The following MEI4 variants were observed in gnomAD, a reference collection of about 807,000 sequenced individuals.
MEI4 encodes the protein meiotic double-stranded break formation protein 4, also known as meiosis-specific protein MEI4.
Under a neutral mutation model 31.4 loss-of-function variants are expected in MEI4, and 27 were observed. The ratio of observed to expected loss-of-function variants is 0.86; its 90% CI spans 0.63 to 1.19. MEI4 has a LOEUF of 1.19. Among genes scored for constraint, MEI4 ranks in the 50% most tolerant of loss-of-function variants. The probability of loss-of-function intolerance (pLI) is 0.00; values close to 1 mark genes in which losing one functional copy is unlikely to be tolerated. For synonymous variants in MEI4, 122 were observed against 145.4 expected (o/e 0.84, Z 1.16); for missense variants, 329 against 398.9 (o/e 0.82, Z 1.49).
intron 3 of MEI4, among the ~76,000 whole-genome samples, chr6:77,781,400 G>A (rs1463018882): frequency 6.6e-6 from 1 of 152,080 alleles, no homozygotes; most frequent in Non-Finnish European, 1.5e-5. Flanking sequence ...TCCACAGCAT[G>A]TTAATATACA....
intron 4 of MEI4, among the ~76,000 whole-genome samples, chr6:77,917,026 T>C (rs1293808713): frequency 6.7e-6 from 1 of 149,860 alleles, no homozygotes; most frequent in East Asian, 2.0e-4. Context: ...CGGTGTTTGG[T>C]TTTTTGTTCT....
intron 3 of MEI4, among the ~76,000 whole-genome samples, chr6:77,785,279 G>A (rs568065361): frequency 3.9e-4 from 60 of 152,260 alleles, no homozygotes; most frequent in African/African-American, 1.4e-3. Context: ...GCTCTCTGGA[G>A]TAAGAGATGA....
At chr6:77,754,306 A>G (rs937224657) in intron 2 of MEI4, among the ~76,000 whole-genome samples, 26 of 152,274 alleles carry the variant, frequency 1.7e-4, no homozygotes, top group Middle Eastern at 3.4e-3. Flanking sequence ...CAAGGCTCCA[A>G]AGATCTCTAC....
At chr6:77,691,480 T>G (rs1769156780) in intron 2 of MEI4, among the ~76,000 whole-genome samples, 3 of 152,028 alleles carry the variant, frequency 2.0e-5, no homozygotes, top group Non-Finnish European at 4.4e-5. Context: ...AGTGAAATGG[T>G]TACAGAACAT....
intron 4 of MEI4, among the ~76,000 whole-genome samples, chr6:77,845,039 T>A (rs983529443): frequency 2.6e-5 from 4 of 151,580 alleles, no homozygotes; most frequent in African/African-American, 7.3e-5. Context: ...GAATTCACAC[T>A]ACCTTGCCCT....
At chr6:77,754,727 G>A (rs1267137455) in intron 2 of MEI4, among the ~76,000 whole-genome samples, 1 of 152,078 alleles carries the variant, frequency 6.6e-6, no homozygotes, top group Non-Finnish European at 1.5e-5. Context: ...ACATGGCTGG[G>A]GTGGCCTCAG....
chr6:77,724,635 T>C (rs1340310788), intron 2 of MEI4, among the ~76,000 whole-genome samples: 43 of 148,582 alleles, frequency 2.9e-4, no homozygotes, highest in African/African-American at 1.1e-3. Flanking sequence ...CCAGTATTGA[T>C]AGGCTACTGG....
In MEI4 at chr6:77,709,203, C is replaced by T. The variant is rs58918546; in HGVS notation, c.232+18300C>T. 3.4e-3 allele frequency among the ~76,000 whole-genome samples: 521 copies of T among 152,208 alleles called. 3 individuals are homozygous for T. The highest frequency in any genetic ancestry group is 0.012 in the African/African-American group (509 of 41,536). The stretch of plus-strand genomic sequence containing the variant: ...AGCTATTTTTTTGTGCTTCAAAGTA[C>T]ACAAGAAAAAGATTGCATCCAGAGG... On this transcript the variant is annotated intron_variant, in intron 2 of 4. Transcript: ENST00000684080.
chr6:77,808,365 G>T (rs967337391), intron 3 of MEI4, among the ~76,000 whole-genome samples: 1 of 152,160 alleles, frequency 6.6e-6, no homozygotes, highest in African/African-American at 2.4e-5. Context: ...AATTCCAGAT[G>T]ATGGCACTAA....
At chr6:77,668,270 G>C (rs376543288) in intron 1 of MEI4, among the ~76,000 whole-genome samples, 1 of 152,234 alleles carries the variant, frequency 6.6e-6, no homozygotes, top group Admixed American at 6.5e-5. Flanking sequence ...AGGGTGATTT[G>C]GGAAAGTGAA....
At chr6:77,795,424 C>G (rs927470256) in intron 3 of MEI4, among the ~76,000 whole-genome samples, 1 of 152,030 alleles carries the variant, frequency 6.6e-6, no homozygotes, top group Non-Finnish European at 1.5e-5. Flanking sequence ...TTTTGTCCTA[C>G]CTACCCTTGA....
At position 77,690,647 on chromosome 6, in the gene MEI4, T is replaced by C. The variant is rs573790499; in HGVS notation, c.-14-11T>C. ...AAGAATTTCTATAACTTTTTTCTTA[T>C]TAAATGATAGGGACAAAAGCCAGGA... On this transcript the variant is annotated splice_polypyrimidine_tract_variant and intron_variant, in intron 1 of 4. Coordinates refer to ENST00000684080, the MANE Select transcript of MEI4 (RefSeq NM_001322247.2). The C allele has an allele frequency of 1.7e-6, 2 of 1,185,428 alleles. No individual in the cohort carries two copies. The highest frequency in any genetic ancestry group is 1.1e-6 in the Non-Finnish European group (1 of 945,546). The allele number at this position is 1,185,428 out of a possible 1,614,324, so 73.4% of individuals were successfully genotyped here.
chr6:77,735,551 G>A (rs551725259), intron 2 of MEI4, among the ~76,000 whole-genome samples: 2 of 151,984 alleles, frequency 1.3e-5, no homozygotes, highest in South Asian at 4.2e-4. Flanking sequence ...TTTTTTCAAA[G>A]TTTTCAACTT....
rs550919223 is a variant in MEI4 at position 77,695,599 on chromosome 6, C to T, written c.232+4696C>T. Reference sequence around the variant, plus strand: ...AGATATGTGGCATTATTTTTGAGGGCTCTGTTCTGTTCCATTGATCTATAT... The same window carrying T: ...AGATATGTGGCATTATTTTTGAGGGTTCTGTTCTGTTCCATTGATCTATAT... On this transcript the variant is annotated intron_variant, in intron 2 of 4. Transcript: ENST00000684080. Among the ~76,000 whole-genome samples, 792 of 152,192 alleles carry T rather than the reference C, an allele frequency of 5.2e-3. 7 individuals carry two copies. Among genetic ancestry groups the T allele is most frequent in the African/African-American group, 0.019 (773 of 41,520 alleles).
intron 3 of MEI4, among the ~76,000 whole-genome samples, chr6:77,800,118 T>A (rs1281028551): frequency 6.6e-6 from 1 of 152,206 alleles, no homozygotes; most frequent in Non-Finnish European, 1.5e-5. Context: ...TGATTCTTCC[T>A]ACCCATGAGC....
chr6:77,874,380 A>G (rs1338452501), intron 4 of MEI4, among the ~76,000 whole-genome samples: 4 of 152,152 alleles, frequency 2.6e-5, no homozygotes, highest in East Asian at 3.9e-4. Context: ...GTGAATGGGA[A>G]TTCACTCATG....
At chr6:77,735,329 A>G (rs9361265) in intron 2 of MEI4, among the ~76,000 whole-genome samples, 43,347 of 150,752 alleles carry the variant, frequency 0.29, 6,350 homozygotes, top group East Asian at 0.48. Context: ...GGCTTTGCTC[A>G]TTTCTTTTTA....
At chr6:77,901,222 G>A (rs886380392) in intron 4 of MEI4, among the ~76,000 whole-genome samples, 3 of 151,870 alleles carry the variant, frequency 2.0e-5, no homozygotes. Flanking sequence ...ATTTTCTTTA[G>A]ATATATACTC....
At chr6:77,702,185 C>T (rs1488088416) in intron 2 of MEI4, among the ~76,000 whole-genome samples, 2 of 152,184 alleles carry the variant, frequency 1.3e-5, no homozygotes, top group Non-Finnish European at 2.9e-5. Context: ...CCAGCCTGCT[C>T]CGCCTCTGTT....
Sources: allele counts gnomAD v4.1 joint callset (sites outside exome capture counted in the v4.1 genomes callset), GRCh38; gene constraint gnomAD v4.1.1; transcripts MANE v1.5; gene names NCBI Gene and HGNC (gene_info 2026-07-23, HGNC 2026-07-21).